SPOPL: variants seen among roughly 807,000 people sequenced by gnomAD.
SPOPL encodes speckle-type POZ protein-like.
A neutral mutation model predicts 53.8 loss-of-function variants in SPOPL; 23 were observed. The ratio of observed to expected loss-of-function variants is 0.43; its 90% CI spans 0.31 to 0.61. SPOPL has a LOEUF of 0.61. Ranked by LOEUF, SPOPL falls within the 20% of genes least tolerant of loss-of-function variation. The pLI is 0.12. For missense variants in SPOPL, 442 were observed against 466.9 expected, an observed-to-expected ratio of 0.95 and a Z score of 0.49; for synonymous variants, 164 against 149.7, an observed-to-expected ratio of 1.10 and a Z score of -0.70.
intron 1 of SPOPL, among the ~76,000 whole-genome samples, chr2:138,540,062 G>A (rs182460503): frequency 4.1e-4 from 62 of 152,214 alleles, no homozygotes; most frequent in Admixed American, 3.3e-4. Flanking sequence ...TTGTAGATAC[G>A]CGGCATTCTT....
Position 138,572,611 on chromosome 2 carries a change from A to G in SPOPL, c.*3531A>G, listed in dbSNP as rs1193591702. 3.3e-5 allele frequency: 5 copies of G among 152,572 alleles called. No individual in the cohort carries two copies. The East Asian group carries it at 5.8e-4, about 18-fold the overall frequency. 9.5% of individuals were successfully genotyped at this position (152,572 alleles called of 1,614,324 possible). The stretch of plus-strand genomic sequence containing the variant: ...TTGATGGATAAAATAAAAATATTCA[A>G]TTTATTCTTACAAAAGAAGGTGGGT... On this transcript the variant is annotated 3_prime_UTR_variant, in exon 11 of 11. Coordinates refer to ENST00000280098, the MANE Select transcript of SPOPL (RefSeq NM_001001664.3).
chr2:138,569,302 A>G lies in SPOPL; in HGVS notation c.*222A>G, dbSNP rs1435491187. Reference sequence around the variant, plus strand: ...ACTTCAAGGCCTTAAATTATCTTCAATGACTTGTCTTGTTCATATAATACT... The same window carrying G: ...ACTTCAAGGCCTTAAATTATCTTCAGTGACTTGTCTTGTTCATATAATACT... On this transcript the variant is annotated 3_prime_UTR_variant, in exon 11 of 11. Transcript: ENST00000280098. 2.7e-5 allele frequency: 13 copies of G among 483,882 alleles called. No individual in the cohort carries two copies. The highest frequency in any genetic ancestry group is 1.2e-4 in the South Asian group (3 of 24,812). The allele number at this position is 483,882 out of a possible 1,614,324, so 30.0% of individuals were successfully genotyped here.
At chr2:138,539,530 T>A (rs1311189252) in intron 1 of SPOPL, among the ~76,000 whole-genome samples, 1 of 152,256 alleles carries the variant, frequency 6.6e-6, no homozygotes, top group Non-Finnish European at 1.5e-5. Context: ...ATGTGTCTGT[T>A]GGCTGCATAA....
chr2:138,560,821 A>G lies in SPOPL; in HGVS notation c.731A>G (p.Asn244Ser). 6.3e-7 allele frequency: 1 copy of G among 1,595,466 alleles called. No homozygotes were observed. The highest frequency in any genetic ancestry group is 8.5e-7 in the Non-Finnish European group (1 of 1,175,012). The change falls in exon 8 of 11, where the codon AAT becomes AGT. Residue 244 changes from asparagine to serine, a missense_variant. By Grantham distance (46) the Asn-to-Ser change is conservative. Coordinates refer to ENST00000280098, the MANE Select transcript of SPOPL (RefSeq NM_001001664.3). ...CGATATCAGAATCGAGTGGAAATAA[A>G]TGATTTAGACCCTGAAGTTTTTAAA... is the stretch of plus-strand genomic sequence containing the variant. ...EESKKNRVEI[N>S]DLDPEVFKEM...
rs999531332 is a variant in SPOPL, at chr2:138,544,515, C to T, written c.-60-5642C>T. On this transcript the variant is annotated intron_variant, in intron 1 of 10. Coordinates refer to ENST00000280098, the MANE Select transcript of SPOPL (RefSeq NM_001001664.3). Reference sequence around the variant, plus strand: ...TTAGCAATGAGCGAGGCTCCCTGGGCGTTAAGACCCTCCGAGCCAGGTGCG... The same window carrying T: ...TTAGCAATGAGCGAGGCTCCCTGGGTGTTAAGACCCTCCGAGCCAGGTGCG... 9.9e-5 allele frequency among the ~76,000 whole-genome samples: 15 copies of T among 152,184 alleles called. 1 individual carries two copies. The South Asian group carries it at 1.0e-3, about 11-fold the overall frequency.
At chr2:138,518,155 A>AT in intron 1 of SPOPL, among the ~76,000 whole-genome samples, 1 of 152,164 alleles carries the variant, frequency 6.6e-6, no homozygotes, top group Middle Eastern at 3.4e-3. Flanking sequence ...GTTAAAAAAA[A>AT]AAGAAAGAAA....
At chr2:138,547,817 C>G (rs1316608128) in intron 1 of SPOPL, among the ~76,000 whole-genome samples, 1 of 152,094 alleles carries the variant, frequency 6.6e-6, no homozygotes, top group Non-Finnish European at 1.5e-5. Flanking sequence ...GCACCAGTAC[C>G]TCTATATACT....
chr2:138,531,146 A>G lies in SPOPL; in HGVS notation c.-60-19011A>G, dbSNP rs10175102. Among the ~76,000 whole-genome samples the G allele has an allele frequency of 8.4e-3, 1,280 of 152,022 alleles. 24 individuals carry two copies. The highest frequency in any genetic ancestry group is 0.029 in the African/African-American group (1,212 of 41,500). On this transcript the variant is annotated intron_variant, in intron 1 of 10. Transcript: ENST00000280098. Reference sequence around the variant, plus strand: ...TCTAACGGAGTATTTGGGCTTATGTATAAATGTAATTATAAATAATATAAT... The same window carrying G: ...TCTAACGGAGTATTTGGGCTTATGTGTAAATGTAATTATAAATAATATAAT...
chr2:138,519,948 C>T (rs1379398300), intron 1 of SPOPL, among the ~76,000 whole-genome samples: 1 of 151,988 alleles, frequency 6.6e-6, no homozygotes, highest in Non-Finnish European at 1.5e-5. Flanking sequence ...GTAATTTTTA[C>T]CCAGGAAAAT....
intron 4 of SPOPL, among the ~76,000 whole-genome samples, chr2:138,551,522 G>A (rs1331608422): frequency 2.6e-5 from 4 of 151,846 alleles, no homozygotes; most frequent in Non-Finnish European, 5.9e-5. Context: ...TTAGTTTCAG[G>A]GCCTATTAAT....
chr2:138,502,809 A>T (rs1030902429), intron 1 of SPOPL, among the ~76,000 whole-genome samples: 1 of 152,106 alleles, frequency 6.6e-6, no homozygotes, highest in Admixed American at 6.5e-5. Flanking sequence ...GAGTCAATGT[A>T]TTTGTATATT....
intron 10 of SPOPL, 25 bp downstream of exon 10, chr2:138,565,018 C>A: frequency 1.2e-6 from 2 of 1,607,538 alleles, no homozygotes; most frequent in Non-Finnish European, 1.7e-6. Flanking sequence ...GTTTCTGACT[C>A]AAAGTTGCTC....
intron 1 of SPOPL, among the ~76,000 whole-genome samples, chr2:138,542,347 C>A (rs1685090174): frequency 6.6e-6 from 1 of 151,994 alleles, no homozygotes; most frequent in Non-Finnish European, 1.5e-5. Context: ...TTAAAGTCTC[C>A]CATTATTATT....
chr2:138,568,807 A>G, intron 10 of SPOPL, 129 bp from the exon 11 acceptor site: 1 of 943,950 alleles, frequency 1.1e-6, no homozygotes, highest in Non-Finnish European at 1.6e-6. Flanking sequence ...AATAAAAGCA[A>G]ATGATTTGAA....
chr2:138,528,825 T>A (rs762533793), intron 1 of SPOPL, among the ~76,000 whole-genome samples: 3 of 152,216 alleles, frequency 2.0e-5, no homozygotes, highest in African/African-American at 4.8e-5. Flanking sequence ...CAAATTTTAG[T>A]GCTAAGACTT....
intron 1 of SPOPL, among the ~76,000 whole-genome samples, chr2:138,530,216 TTGA>T (rs1684777329): frequency 6.6e-6 from 1 of 152,242 alleles, no homozygotes; most frequent in African/African-American, 2.4e-5. Flanking sequence ...CAGTCTACCA[TTGA>T]TGGCATTTAG....
intron 1 of SPOPL, among the ~76,000 whole-genome samples, chr2:138,528,344 CAT>C (rs1268623056): frequency 1.3e-5 from 2 of 152,218 alleles, no homozygotes; most frequent in Non-Finnish European, 2.9e-5. Context: ...TTGAAAGAAA[CAT>C]GGATACTTAC....
chr2:138,560,450 G>GT (rs75280337), intron 7 of SPOPL, among the ~76,000 whole-genome samples: 291 of 143,610 alleles, frequency 2.0e-3, no homozygotes, highest in Admixed American at 2.8e-3. Context: ...TTGTTTACTT[G>GT]TTTTTTTTTT....
chr2:138,516,308 G>A (rs2104860035), intron 1 of SPOPL, among the ~76,000 whole-genome samples: 1 of 152,134 alleles, frequency 6.6e-6, no homozygotes, highest in South Asian at 2.1e-4. Flanking sequence ...AGGAAGTGAA[G>A]GCATAATGGG....
Sources: gnomAD v4.1 joint callset for allele counts (sites outside exome capture counted in the v4.1 genomes callset) on GRCh38, gnomAD v4.1.1 for gene constraint, MANE v1.5 for transcripts, NCBI Gene and HGNC (gene_info 2026-07-23, HGNC 2026-07-21) for gene names.